The following PCDHGA1 variants were observed in gnomAD, a reference collection of about 807,000 sequenced individuals.
PCDHGA1 encodes protocadherin gamma-A1.
Under a neutral mutation model 58.0 loss-of-function variants are expected in PCDHGA1, and 32 were observed. The ratio of observed to expected loss-of-function variants is 0.55; its 90% CI spans 0.42 to 0.74. The LOEUF (loss-of-function observed/expected upper bound fraction) is 0.74, where lower values mean the gene tolerates loss of function less well. PCDHGA1 is among the 30% of genes least tolerant of loss of function. The pLI is 0.00. For synonymous variants in PCDHGA1, 498 were observed against 501.1 expected (o/e 0.99, Z 0.08); for missense variants, 1,205 against 1,182.3 (o/e 1.02, Z -0.28).
chr5:141,432,601 G>C lies in PCDHGA1; in HGVS notation c.2422-62206G>C. The C allele has an allele frequency of 6.2e-7, 1 of 1,613,952 alleles. No homozygotes were observed. The highest frequency in any genetic ancestry group is 8.5e-7 in the Non-Finnish European group (1 of 1,179,984). On this transcript the variant is annotated intron_variant, in intron 1 of 3. Coordinates refer to ENST00000517417, the MANE Select transcript of PCDHGA1 (RefSeq NM_018912.3). The surrounding 1 kb of genome is among the most constrained non-coding windows in gnomAD (Gnocchi z 6.0). ...ACCGTCTGCTCAAGGCCAGCGAGCC[G>C]GGACTCTTCTCGGTGGGTCTGCACA...
intron 1 of PCDHGA1, among the ~76,000 whole-genome samples, chr5:141,406,933 T>C (rs1034700573): frequency 6.6e-6 from 1 of 152,218 alleles, no homozygotes; most frequent in African/African-American, 2.4e-5. Flanking sequence ...ATGTATTATT[T>C]AATGTTATTT....
intron 1 of PCDHGA1, chr5:141,356,781 C>G: frequency 6.2e-7 from 1 of 1,613,996 alleles, no homozygotes; most frequent in Non-Finnish European, 8.5e-7. Context: ...AGTTTAGAGA[C>G]CTGCAGCTGC....
intron 1 of PCDHGA1, among the ~76,000 whole-genome samples, chr5:141,448,393 A>G (rs190525499): frequency 6.6e-6 from 1 of 152,306 alleles, no homozygotes; most frequent in Admixed American, 6.5e-5. Flanking sequence ...ATACATTTAC[A>G]TGGTTTTAAA....
intron 1 of PCDHGA1, chr5:141,389,769 G>A (rs2091901102): frequency 3.1e-6 from 5 of 1,612,950 alleles, no homozygotes; most frequent in Non-Finnish European, 4.2e-6. Context: ...CACAGCGCGT[G>A]CCTTAGGCGA....
intron 1 of PCDHGA1, chr5:141,387,892 G>C (rs2091136247): frequency 6.5e-7 from 1 of 1,550,258 alleles, no homozygotes; most frequent in African/African-American, 1.4e-5. Context: ...GGGATGGGGA[G>C]CGGCGCCGGG....
chr5:141,451,443 C>A (rs1184838490), intron 1 of PCDHGA1, among the ~76,000 whole-genome samples: 1 of 152,176 alleles, frequency 6.6e-6, no homozygotes, highest in Non-Finnish European at 1.5e-5. Context: ...CAGTTCCTTG[C>A]TGGTTGTTAG....
chr5:141,428,204 C>G, intron 1 of PCDHGA1: 2 of 1,324,722 alleles, frequency 1.5e-6, no homozygotes, highest in Non-Finnish European at 1.1e-6. Context: ...TGCGCCGCTA[C>G]GCTTCACCTA....
intron 1 of PCDHGA1, chr5:141,344,153 T>C (rs370783351): frequency 1.2e-6 from 2 of 1,613,884 alleles, no homozygotes; most frequent in Admixed American, 1.7e-5. Flanking sequence ...AGGAGCTAGA[T>C]AAAGGTTCCT....
chr5:141,418,079 C>A, intron 1 of PCDHGA1: 1 of 1,614,048 alleles, frequency 6.2e-7, no homozygotes, highest in Non-Finnish European at 8.5e-7. Context: ...GGAGAAGCTG[C>A]ACTTCAGCGT....
intron 1 of PCDHGA1, chr5:141,408,080 C>G: frequency 7.1e-7 from 1 of 1,412,844 alleles, no homozygotes; most frequent in Non-Finnish European, 9.3e-7. Flanking sequence ...TTTCCCAGCA[C>G]AGCGGATTGC....
At chr5:141,399,092 G>T (rs573118488) in intron 1 of PCDHGA1, 2 of 1,613,810 alleles carry the variant, frequency 1.2e-6, no homozygotes, top group Non-Finnish European at 1.7e-6. Context: ...GATGGTGGTG[G>T]ACTGGTTGCA....
At chr5:141,350,357 T>A in intron 1 of PCDHGA1, 2 of 1,568,848 alleles carry the variant, frequency 1.3e-6, no homozygotes, top group Non-Finnish European at 1.7e-6. Flanking sequence ...GCAGATCCGA[T>A]ACACGATTCC....
chr5:141,357,352 C>T (rs1341933650), intron 1 of PCDHGA1: 2 of 1,614,156 alleles, frequency 1.2e-6, no homozygotes, highest in Non-Finnish European at 1.7e-6. Flanking sequence ...CAAGCTGAGA[C>T]GCTGGCACAA....
At chr5:141,354,723 T>C (rs778133300) in intron 1 of PCDHGA1, among the ~76,000 whole-genome samples, 10 of 152,098 alleles carry the variant, frequency 6.6e-5, no homozygotes, top group Non-Finnish European at 1.5e-4. Flanking sequence ...GCTGTGGGGA[T>C]GAACAATGTG....
intron 1 of PCDHGA1, among the ~76,000 whole-genome samples, chr5:141,467,087 C>T (rs1159093881): frequency 3.4e-5 from 5 of 147,240 alleles, no homozygotes; most frequent in African/African-American, 1.3e-4. Context: ...AAGTCTCACT[C>T]TGTCACACAG....
intron 1 of PCDHGA1, among the ~76,000 whole-genome samples, chr5:141,481,105 T>C (rs1357970765): frequency 6.6e-6 from 1 of 152,188 alleles, no homozygotes; most frequent in Non-Finnish European, 1.5e-5. Flanking sequence ...CTCTGGAACC[T>C]ACCAATCCAT....
chr5:141,360,779 T>C, intron 1 of PCDHGA1: 1 of 1,613,956 alleles, frequency 6.2e-7, no homozygotes, highest in Non-Finnish European at 8.5e-7. Context: ...CTCACAGCTG[T>C]GGATGGCGGA....
intron 1 of PCDHGA1, chr5:141,351,027 C>A: frequency 6.2e-7 from 1 of 1,614,084 alleles, no homozygotes; most frequent in Non-Finnish European, 8.5e-7. Context: ...CCGTGGGGAA[C>A]CTCCGTGCTG....
chr5:141,503,665 C>A (rs1210514896), intron 2 of PCDHGA1, among the ~76,000 whole-genome samples: 2 of 151,792 alleles, frequency 1.3e-5, no homozygotes, highest in African/African-American at 4.8e-5. Flanking sequence ...AATTACAACT[C>A]TTCCCACTTT....
Sources: gnomAD v4.1 joint callset for allele counts (sites outside exome capture counted in the v4.1 genomes callset) on GRCh38, gnomAD v4.1.1 for gene constraint, Gnocchi (gnomAD v3.1) non-coding constraint, MANE v1.5 for transcripts, NCBI Gene and HGNC (gene_info 2026-07-23, HGNC 2026-07-21) for gene names.